RIPOR2: variants seen among roughly 807,000 people sequenced by gnomAD.
RIPOR2 encodes rho family-interacting cell polarization regulator 2.
RIPOR2 carries 39 observed loss-of-function variants against 114.5 expected under a neutral mutation model. The ratio of observed to expected loss-of-function variants is 0.34; its 90% CI spans 0.26 to 0.44. The LOEUF (loss-of-function observed/expected upper bound fraction) is 0.44, where lower values mean the gene tolerates loss of function less well. Ranked by LOEUF, RIPOR2 falls within the 20% of genes least tolerant of loss-of-function variation. The pLI is 1.00. For missense variants in RIPOR2, 1,007 were observed against 1,255.1 expected, an observed-to-expected ratio of 0.80 and a Z score of 2.99; for synonymous variants, 445 against 484.4, an observed-to-expected ratio of 0.92 and a Z score of 1.07.
chr6:25,019,715 T>C (rs764362323), intron 1 of RIPOR2, among the ~76,000 whole-genome samples: 5 of 130,102 alleles, frequency 3.8e-5, no homozygotes, highest in Non-Finnish European at 7.6e-5. Context: ...GCGGAGGTTG[T>C]AGTGAGCCAA....
At chr6:24,941,346 T>C (rs1199579288) in intron 1 of RIPOR2, among the ~76,000 whole-genome samples, 1 of 151,534 alleles carries the variant, frequency 6.6e-6, no homozygotes, top group Non-Finnish European at 1.5e-5. Flanking sequence ...GTATGACTGC[T>C]GGGAGTGGTT....
Position 24,843,404 on chromosome 6 carries a change from T to C in RIPOR2, c.1315A>G (p.Thr439Ala). 6.2e-7 allele frequency: 1 copy of C among 1,613,866 alleles called. No individual in the cohort carries two copies. Among genetic ancestry groups the C allele is most frequent in the Non-Finnish European group, 8.5e-7 (1 of 1,179,832 alleles). The change falls in exon 13 of 22, where the codon ACC becomes GCC. Residue 439 changes from threonine to alanine, a missense_variant. Thr to Ala is a moderately conservative substitution (Grantham distance 58, BLOSUM62 0). Transcript: ENST00000643898. ...AGGTTAAACTCCGCAGGGGTGATGG[T>C]AATTTCTGGATTTGTTGAGTTGGAA... is the stretch of plus-strand genomic sequence containing the variant. ...SPSNSTNPEI[T>A]ITPAEFNLSS...
chr6:24,914,144 G>C (rs1769890544), intron 1 of RIPOR2, among the ~76,000 whole-genome samples: 1 of 152,104 alleles, frequency 6.6e-6, no homozygotes, highest in African/African-American at 2.4e-5. Flanking sequence ...AGACCAGCCT[G>C]GCCAAAATGG....
At chr6:24,882,533 C>T (rs1164638838) in intron 1 of RIPOR2, among the ~76,000 whole-genome samples, 1 of 152,152 alleles carries the variant, frequency 6.6e-6, no homozygotes, top group African/African-American at 2.4e-5. Flanking sequence ...TGATTCAGTA[C>T]ATTATTTTTA....
chr6:24,952,778 A>G (rs568021830), intron 1 of RIPOR2, among the ~76,000 whole-genome samples: 6 of 152,278 alleles, frequency 3.9e-5, no homozygotes, highest in African/African-American at 1.2e-4. Context: ...TGACTCCAGC[A>G]CACCACTAGA....
intron 1 of RIPOR2, among the ~76,000 whole-genome samples, chr6:24,930,389 A>T (rs1581825112): frequency 6.6e-6 from 1 of 152,222 alleles, no homozygotes; most frequent in Non-Finnish European, 1.5e-5. Flanking sequence ...TAAAATAAAC[A>T]TCTAAAATGT....
At chr6:24,808,835 C>T (rs931301369) in intron 21 of RIPOR2, among the ~76,000 whole-genome samples, 3 of 151,206 alleles carry the variant, frequency 2.0e-5, no homozygotes, top group Admixed American at 2.0e-4. Context: ...TCTCAGCTCA[C>T]TGCAACCTCC....
At chr6:24,929,019 C>T (rs889332151) in intron 1 of RIPOR2, among the ~76,000 whole-genome samples, 8 of 151,874 alleles carry the variant, frequency 5.3e-5, no homozygotes, top group East Asian at 1.9e-4. Context: ...TTAAGCAAAC[C>T]GAGACATGAA....
intron 1 of RIPOR2, among the ~76,000 whole-genome samples, chr6:24,912,466 CCTTT>C (rs1266763914): frequency 7.2e-6 from 1 of 138,162 alleles, no homozygotes; most frequent in Non-Finnish European, 1.6e-5. Flanking sequence ...TTGCCCCCCC[CCTTT>C]TTTTTTTGCC....
At chr6:24,898,041 GGAAGGAAGGAAGGAAA>G (rs1172436346) in intron 1 of RIPOR2, among the ~76,000 whole-genome samples, 2 of 151,040 alleles carry the variant, frequency 1.3e-5, no homozygotes, top group Non-Finnish European at 2.9e-5. Flanking sequence ...AAAGAAGGAA[GGAAGGAAGGAAGGAAA>G]GAAGGAAGGA....
intron 1 of RIPOR2, chr6:25,023,630 G>T (rs892100261): frequency 1.7e-5 from 13 of 763,270 alleles, no homozygotes; most frequent in African/African-American, 5.1e-5. Flanking sequence ...GTAAAGGATG[G>T]TGCCTGCTGG....
intron 13 of RIPOR2, chr6:24,839,864 A>G: frequency 8.4e-7 from 1 of 1,191,956 alleles, no homozygotes; most frequent in Non-Finnish European, 1.0e-6. Flanking sequence ...AGGACTAACA[A>G]AACAAATCCC....
At position 24,967,720 on chromosome 6, in the gene RIPOR2, C is replaced by G. The variant is rs184848911; in HGVS notation, c.76+74131G>C. Among the ~76,000 whole-genome samples, 300 of 152,196 alleles carry G rather than the reference C, an allele frequency of 2.0e-3. 4 individuals are homozygous for G. The highest frequency in any genetic ancestry group is 0.019 in the East Asian group (99 of 5,174). ...GTTTTCCTGTGTAATAATACATGAT[C>G]TAATTTAATCCTCAAAATAGCCTTG... On this transcript the variant is annotated intron_variant, in intron 1 of 13. Transcript: ENST00000510784.
intron 1 of RIPOR2, among the ~76,000 whole-genome samples, chr6:24,894,418 G>A (rs542802902): frequency 6.6e-6 from 1 of 152,244 alleles, no homozygotes; most frequent in African/African-American, 2.4e-5. Flanking sequence ...CTGGAATGAG[G>A]GTTTCTACCA....
chr6:24,927,862 C>G (rs1181303399), intron 1 of RIPOR2, among the ~76,000 whole-genome samples: 1 of 152,160 alleles, frequency 6.6e-6, no homozygotes, highest in Non-Finnish European at 1.5e-5. Flanking sequence ...TATGTTACTT[C>G]CCCTCAGTTT....
chr6:24,843,860 GA>G (rs1190015032), intron 12 of RIPOR2, among the ~76,000 whole-genome samples: 2 of 151,872 alleles, frequency 1.3e-5, no homozygotes, highest in Non-Finnish European at 2.9e-5. Flanking sequence ...TGCATGGGGG[GA>G]GGGGGCTTGT....
At chr6:24,935,621 G>A (rs1169184297) in intron 1 of RIPOR2, among the ~76,000 whole-genome samples, 2 of 152,178 alleles carry the variant, frequency 1.3e-5, no homozygotes, top group African/African-American at 2.4e-5. Context: ...TTTAAAAAAT[G>A]TATTTGCGGG....
intron 1 of RIPOR2, among the ~76,000 whole-genome samples, chr6:24,964,500 T>C (rs1773439959): frequency 6.6e-6 from 1 of 152,232 alleles, no homozygotes; most frequent in African/African-American, 2.4e-5. Context: ...GAGTATATTG[T>C]ATGGCTGGAT....
intron 4 of RIPOR2, among the ~76,000 whole-genome samples, chr6:24,872,142 C>T (rs1460238054): frequency 6.6e-6 from 1 of 152,130 alleles, no homozygotes; most frequent in East Asian, 1.9e-4. Flanking sequence ...TAGAGTTGAA[C>T]AAAATCATTT....
Sources: gnomAD v4.1 joint callset for allele counts (sites outside exome capture counted in the v4.1 genomes callset) on GRCh38, gnomAD v4.1.1 for gene constraint, MANE v1.5 for transcripts, NCBI Gene and HGNC (gene_info 2026-07-23, HGNC 2026-07-21) for gene names.